PPIL3: variants seen among roughly 807,000 people sequenced by gnomAD.
PPIL3 encodes peptidyl-prolyl cis-trans isomerase-like 3.
Under a neutral mutation model 20.9 loss-of-function variants are expected in PPIL3, and 13 were observed. The observed-to-expected ratio is 0.62, with a 90% CI of 0.40 to 0.99. The LOEUF (loss-of-function observed/expected upper bound fraction) is 0.99. Among genes scored for constraint, PPIL3 ranks in the 50% least tolerant of loss-of-function variants. The pLI, the probability that PPIL3 is intolerant of heterozygous loss-of-function variation, is 0.00. For synonymous variants in PPIL3, 71 were observed against 64.4 expected (o/e 1.10, Z -0.49); for missense variants, 170 against 195.2 (o/e 0.87, Z 0.77).
chr2:200,883,694 G>A (rs533217936), intron 3 of PPIL3, among the ~76,000 whole-genome samples: 171 of 152,236 alleles, frequency 1.1e-3, no homozygotes, highest in Non-Finnish European at 2.2e-3. Flanking sequence ...CTCCATGAGG[G>A]TAAGGAATGT....
chr2:200,876,886 A>T, intron 6 of PPIL3, 33 bp downstream of exon 6: 1 of 1,468,004 alleles, frequency 6.8e-7, no homozygotes, highest in Non-Finnish European at 9.5e-7. Flanking sequence ...TTGCATTGAA[A>T]TGCTAAAAGA....
chr2:200,882,039 C>T (rs2039750352), intron 4 of PPIL3, among the ~76,000 whole-genome samples: 1 of 152,040 alleles, frequency 6.6e-6, no homozygotes, highest in Admixed American at 6.6e-5. Context: ...CACATGGACA[C>T]AAGGAGGGGA....
Position 200,882,370 on chromosome 2 carries a change from A to C in PPIL3, c.144T>G (p.Gly48=). The C allele has an allele frequency of 6.2e-7, 1 of 1,606,630 alleles. No homozygotes were observed. The highest frequency in any genetic ancestry group is 8.5e-7 in the Non-Finnish European group (1 of 1,173,136). The change falls in exon 4 of 7, where the codon GGT becomes GGG. Residue 48 remains glycine, a synonymous_variant. Coordinates refer to ENST00000392283, the MANE Select transcript of PPIL3 (RefSeq NM_130906.3). ...NGCIFHRNIK[G]FMVQTGDPTG... is the part of the protein sequence containing the mutation. ...TTGGATCTCCTGTTTGAACCATGAA[A>C]CCCTTGATATTCCTATGAAATATAC...
At position 200,885,815 on chromosome 2, in the gene PPIL3, G is replaced by T. The variant is rs1039401505; in HGVS notation, c.4-43C>A. ...TGTGAGAACAAATGAAATTTATTTA[G>T]GTGACTTTATGCATTGTTTATTTCC... On this transcript the variant is annotated intron_variant, in intron 2 of 6. Coordinates refer to ENST00000392283, the MANE Select transcript of PPIL3 (RefSeq NM_130906.3). 14 of 1,253,696 alleles carry T rather than the reference G, an allele frequency of 1.1e-5. No homozygotes were observed. In the East Asian group the frequency reaches 3.3e-4, roughly 30 times the overall value. 77.7% of individuals were successfully genotyped at this position (1,253,696 alleles called of 1,614,324 possible). A position where few individuals can be genotyped will look rare whatever the true frequency, so the allele number is the denominator to read the frequency against.
At chr2:200,875,239 T>C (rs1261458188) in intron 6 of PPIL3, among the ~76,000 whole-genome samples, 3 of 151,764 alleles carry the variant, frequency 2.0e-5, no homozygotes, top group Admixed American at 6.6e-5. Context: ...AGGTAAGGAG[T>C]GGTCACATTA....
intron 3 of PPIL3, 92 bp from the exon 4 acceptor site, chr2:200,882,527 A>G (rs2039770709): frequency 2.5e-6 from 2 of 805,394 alleles, no homozygotes; most frequent in Admixed American, 3.7e-5. Flanking sequence ...TGATAGCAGC[A>G]TATTTAAACT....
At chr2:200,879,773 G>A (rs1037660123) in intron 5 of PPIL3, among the ~76,000 whole-genome samples, 1 of 152,176 alleles carries the variant, frequency 6.6e-6, no homozygotes, top group Non-Finnish European at 1.5e-5. Flanking sequence ...CAAGGCTGCA[G>A]TGAACCGTGA....
chr2:200,872,722 T>C (rs901026279), intron 6 of PPIL3, among the ~76,000 whole-genome samples: 7 of 152,174 alleles, frequency 4.6e-5, no homozygotes, highest in Admixed American at 1.3e-4. Context: ...AAACCACGGA[T>C]GAAGTCCAAA....
upstream of PPIL3, chr2:200,889,093 G>C (rs1326339497): frequency 2.1e-6 from 1 of 469,372 alleles, no homozygotes; most frequent in African/African-American, 2.0e-5. Flanking sequence ...CCAAGAGAGA[G>C]AACGCCCCTT....
chr2:200,885,380 T>A (rs981269338), intron 3 of PPIL3: 23 of 333,896 alleles, frequency 6.9e-5, no homozygotes, highest in East Asian at 3.9e-4. Context: ...CAAAAAAAAA[T>A]AATAATAAAT....
At chr2:200,880,696 C>T (rs755591644) in intron 5 of PPIL3, among the ~76,000 whole-genome samples, 1 of 151,922 alleles carries the variant, frequency 6.6e-6, no homozygotes. Flanking sequence ...CTTCATTGCT[C>T]TTTTTCTAAT....
intron 5 of PPIL3, among the ~76,000 whole-genome samples, chr2:200,879,125 CT>C (rs1056461692): frequency 1.8e-3 from 266 of 144,310 alleles, no homozygotes; most frequent in Admixed American, 2.4e-3. Flanking sequence ...TATAATGGTT[CT>C]TTTTTTTTTT....
Position 200,880,558 on chromosome 2 carries a change from A to AT in PPIL3, c.240+862dup, listed in dbSNP as rs973347142. On this transcript the variant is annotated intron_variant, in intron 5 of 6. Coordinates refer to ENST00000392283, the MANE Select transcript of PPIL3 (RefSeq NM_130906.3). Reference sequence around the variant, plus strand: ...GCCACTATAACAGGCTAATATTTGTATTTTTTTGTGGAGATGGGGGTCTCA... The same window carrying AT: ...GCCACTATAACAGGCTAATATTTGTATTTTTTTTGTGGAGATGGGGGTCTCA... 1.1e-4 allele frequency among the ~76,000 whole-genome samples: 17 copies of AT among 151,722 alleles called. No individual in the cohort carries two copies. The East Asian group carries it at 1.8e-3, about 16-fold the overall frequency.
chr2:200,888,863 C>T (rs1007805715), intron 1 of PPIL3, 93 bp downstream of exon 1: 2 of 462,234 alleles, frequency 4.3e-6, no homozygotes, highest in Non-Finnish European at 9.1e-6. Context: ...CCACTGTTCA[C>T]TCGCAGTATC....
chr2:200,884,567 G>C (rs186777416), intron 3 of PPIL3, among the ~76,000 whole-genome samples: 6 of 151,292 alleles, frequency 4.0e-5, no homozygotes, highest in African/African-American at 7.3e-5. Flanking sequence ...GTGAGATCTC[G>C]TCTCCATAAA....
Position 200,871,517 on chromosome 2 carries a change from T to G in PPIL3, c.364A>C (p.Ile122Leu). The G allele has an allele frequency of 6.2e-7, 1 of 1,611,234 alleles. No individual in the cohort carries two copies. Among genetic ancestry groups the G allele is most frequent in the Non-Finnish European group, 8.5e-7 (1 of 1,178,652 alleles). ...TCATCTAGAGTTTCCAGACCATCTA[T>G]TACCCTGAAAGAGAAACAACATAAC... Reference protein sequence around the residue: ...DMKYTVFGKVIDGLETLDELE... With the variant: ...DMKYTVFGKVLDGLETLDELE... Residue 122 changes from isoleucine (I) to leucine (L), a missense_variant, in exon 7 of 7, where the codon ATA (isoleucine) becomes CTA (leucine). Coordinates refer to ENST00000392283, the MANE Select transcript of PPIL3 (RefSeq NM_130906.3).
chr2:200,874,433 G>A (rs2039437595), intron 6 of PPIL3, among the ~76,000 whole-genome samples: 1 of 152,064 alleles, frequency 6.6e-6, no homozygotes, highest in African/African-American at 2.4e-5. Flanking sequence ...GTAGAACTGA[G>A]GCAGTTAAGT....
At chr2:200,885,383 TAATA>T (rs1190663545) in intron 3 of PPIL3, 2 of 337,182 alleles carry the variant, frequency 5.9e-6, no homozygotes, top group African/African-American at 4.3e-5. Context: ...AAAAAAATAA[TAATA>T]AATAAATAAA....
intron 5 of PPIL3, among the ~76,000 whole-genome samples, chr2:200,879,243 C>CA (rs1193854354): frequency 6.6e-6 from 1 of 152,020 alleles, no homozygotes; most frequent in Non-Finnish European, 1.5e-5. Context: ...CTCAGCCTCC[C>CA]AAGTAGCTGG....
Sources: gnomAD v4.1 joint callset for allele counts (sites outside exome capture counted in the v4.1 genomes callset) on GRCh38, gnomAD v4.1.1 for gene constraint, MANE v1.5 for transcripts, NCBI Gene and HGNC (gene_info 2026-07-23, HGNC 2026-07-21) for gene names.